DISC1: variants seen among roughly 807,000 people sequenced by gnomAD.
DISC1 encodes the protein DISC1 scaffold protein, also known as disrupted in schizophrenia 1 protein.
In DISC1, 57 loss-of-function variants were observed where a neutral mutation model predicts 84.5. The ratio of observed to expected loss-of-function variants is 0.67; its 90% CI spans 0.55 to 0.84. The LOEUF is 0.84. Among genes scored for constraint, DISC1 ranks in the 40% least tolerant of loss-of-function variants. DISC1 has a pLI of 0.00. For missense variants in DISC1, 1,000 were observed against 1,057.8 expected, an observed-to-expected ratio of 0.95 and a Z score of 0.76; for synonymous variants, 411 against 415.2, an observed-to-expected ratio of 0.99 and a Z score of 0.12.
intron 1 of DISC1, among the ~76,000 whole-genome samples, chr1:231,671,828 T>G (rs1301073577): frequency 6.6e-6 from 1 of 152,206 alleles, no homozygotes; most frequent in African/African-American, 2.4e-5. Flanking sequence ...TCCTCATTTG[T>G]GAAGGAGGTT....
chr1:231,924,757 C>T (rs1218466336), intron 9 of DISC1, among the ~76,000 whole-genome samples: 6 of 151,536 alleles, frequency 4.0e-5, no homozygotes, highest in African/African-American at 1.5e-4. Context: ...CCCGGGTTCA[C>T]GCCATTCTCC....
chr1:231,949,489 C>T (rs1287384165), intron 9 of DISC1, among the ~76,000 whole-genome samples: 1 of 152,138 alleles, frequency 6.6e-6, no homozygotes, highest in Admixed American at 6.6e-5. Context: ...TCACTTTGTG[C>T]CTCTGCTTGG....
chr1:232,031,116 G>A lies in DISC1; in HGVS notation c.2425+4564G>A, dbSNP rs1015259291. On this transcript the variant is annotated intron_variant, in intron 12 of 12. Coordinates refer to ENST00000439617, the MANE Select transcript of DISC1 (RefSeq NM_018662.3). The surrounding 1 kb of genome is among the most constrained non-coding windows in gnomAD (Gnocchi z 4.6). ...AAAGTAAGACACTGCCAAAGAAGGA[G>A]GGAGGGAAGGAAGGAAGGAAGGAGG... is the stretch of plus-strand genomic sequence containing the variant. 1.3e-5 allele frequency among the ~76,000 whole-genome samples: 2 copies of A among 150,384 alleles called. No homozygotes were observed. Among genetic ancestry groups the A allele is most frequent in the South Asian group, 2.1e-4 (1 of 4,744 alleles).
chr1:232,008,671 G>C (rs979132419), intron 10 of DISC1, 114 bp from the exon 11 acceptor site: 1 of 1,247,082 alleles, frequency 8.0e-7, no homozygotes. Context: ...GTGAAATTAA[G>C]TCATCAAGTA....
At chr1:231,842,357 A>G (rs574142077) in intron 9 of DISC1, among the ~76,000 whole-genome samples, 2 of 152,260 alleles carry the variant, frequency 1.3e-5, no homozygotes, top group African/African-American at 2.4e-5. Flanking sequence ...TAATCCTTGC[A>G]TAGAATAGGG....
chr1:231,992,152 G>A (rs1665291143), intron 10 of DISC1, among the ~76,000 whole-genome samples: 1 of 152,160 alleles, frequency 6.6e-6, no homozygotes, highest in Non-Finnish European at 1.5e-5. Context: ...AAAAGGACAT[G>A]TGCATTTTAA....
chr1:231,740,873 G>A (rs1425797385), intron 3 of DISC1, among the ~76,000 whole-genome samples: 1 of 152,228 alleles, frequency 6.6e-6, no homozygotes, highest in East Asian at 1.9e-4. Context: ...CAGATGTGCA[G>A]TTTTCTACTT....
At chr1:231,805,592 A>C (rs1449566460) in intron 8 of DISC1, among the ~76,000 whole-genome samples, 1 of 151,786 alleles carries the variant, frequency 6.6e-6, no homozygotes, top group East Asian at 1.9e-4. Flanking sequence ...TTAATGAGAA[A>C]CTGCCCCTAT....
chr1:231,939,512 A>G (rs202008683), intron 9 of DISC1, among the ~76,000 whole-genome samples: 1 of 151,888 alleles, frequency 6.6e-6, no homozygotes, highest in East Asian at 1.9e-4. Flanking sequence ...GAAAATCCAC[A>G]CTCCTGCAGG....
chr1:231,863,220 CTTTTTTTTTTTTTT>C (rs533463099), intron 9 of DISC1, among the ~76,000 whole-genome samples: 6 of 54,758 alleles, frequency 1.1e-4, no homozygotes, highest in Non-Finnish European at 1.5e-4. Flanking sequence ...ATAAAATGTT[CTTTTTTTTTTTTTT>C]TTTTTTTTTT....
At chr1:231,996,507 G>A (rs1665979922) in intron 10 of DISC1, among the ~76,000 whole-genome samples, 1 of 152,098 alleles carries the variant, frequency 6.6e-6, no homozygotes, top group African/African-American at 2.4e-5. Context: ...TCCAAGAAAT[G>A]GAGTAAAATA....
intron 9 of DISC1, among the ~76,000 whole-genome samples, chr1:231,882,487 C>T (rs912809636): frequency 2.0e-5 from 3 of 152,218 alleles, no homozygotes; most frequent in Non-Finnish European, 4.4e-5. Context: ...GTTTATTTCA[C>T]ACTGCGCTTA....
chr1:232,022,528 G>A (rs765755201), intron 11 of DISC1, among the ~76,000 whole-genome samples: 9 of 151,988 alleles, frequency 5.9e-5, no homozygotes, highest in East Asian at 3.9e-4. Context: ...GGATGGTCTC[G>A]ATCTCTTGAC....
At chr1:231,805,831 T>A (rs2125676435) in intron 8 of DISC1, among the ~76,000 whole-genome samples, 1 of 152,318 alleles carries the variant, frequency 6.6e-6, no homozygotes. Context: ...CTGAGCTCTA[T>A]GCATACTGAC....
In DISC1 at chr1:231,694,730, C is replaced by A. The variant is rs750234495; in HGVS notation, c.972C>A (p.His324Gln). ...GGAGCAGCGGCTCAGGGGATGCCCACTCTTGGGACACCCTGCTCAGGAAAT... is the reference window on the plus strand; with the variant it reads ...GGAGCAGCGGCTCAGGGGATGCCCAATCTTGGGACACCCTGCTCAGGAAAT... The part of the protein sequence containing the change: ...GDGSSGSGDA[H>Q]SWDTLLRKWE... Residue 324 changes from histidine to glutamine, a missense_variant, in exon 2 of 13, where the codon CAC becomes CAA. Coordinates refer to ENST00000439617, the MANE Select transcript of DISC1 (RefSeq NM_018662.3). 6 of 1,614,138 alleles carry A rather than the reference C, an allele frequency of 3.7e-6. No individual in the cohort carries two copies. The highest frequency in any genetic ancestry group is 5.1e-6 in the Non-Finnish European group (6 of 1,180,046).
intron 3 of DISC1, chr1:231,722,922 G>A: frequency 7.8e-7 from 1 of 1,274,494 alleles, no homozygotes. Flanking sequence ...TTTTGTAGGG[G>A]GGAGAAACCA....
At chr1:231,878,997 G>C (rs2086086249) in intron 9 of DISC1, among the ~76,000 whole-genome samples, 1 of 152,114 alleles carries the variant, frequency 6.6e-6, no homozygotes. Flanking sequence ...CAGTTTTGCT[G>C]TTGTGGACAT....
At chr1:231,937,497 G>T (rs200463606) in intron 9 of DISC1, among the ~76,000 whole-genome samples, 2 of 152,208 alleles carry the variant, frequency 1.3e-5, no homozygotes, top group Non-Finnish European at 2.9e-5. Flanking sequence ...CAACAGGAGG[G>T]ACAGCATGCA....
chr1:231,685,278 T>C (rs2125585336), intron 1 of DISC1: 1 of 152,382 alleles, frequency 6.6e-6, no homozygotes, highest in East Asian at 1.9e-4. Context: ...TGTACAGACA[T>C]ATACACATTT....
Sources: gnomAD v4.1 joint callset for allele counts (sites outside exome capture counted in the v4.1 genomes callset) on GRCh38, gnomAD v4.1.1 for gene constraint, Gnocchi (gnomAD v3.1) non-coding constraint, MANE v1.5 for transcripts, NCBI Gene and HGNC (gene_info 2026-07-23, HGNC 2026-07-21) for gene names.